Variants in HSD17B12 observed in about 807,000 individuals in gnomAD.
HSD17B12 encodes hydroxysteroid 17-beta dehydrogenase 12.
In HSD17B12, 32 loss-of-function variants were observed where a neutral mutation model predicts 39.3. That is an observed-to-expected ratio of 0.81 (90% confidence interval 0.61 to 1.09). HSD17B12 has a LOEUF of 1.09. Among genes scored for constraint, HSD17B12 ranks in the 50% least tolerant of loss-of-function variants. HSD17B12 has a pLI of 0.00. For missense variants in HSD17B12, 342 were observed against 382.9 expected (o/e 0.89, Z 0.89); for synonymous variants, 150 against 146.7 (o/e 1.02, Z -0.16).
chr11:43,815,553 G>A, intron 5 of HSD17B12, 52 bp downstream of exon 5: 1 of 1,116,902 alleles, frequency 9.0e-7, no homozygotes. Context: ...TGCAGGTATT[G>A]GTATAATGAT....
the HSD17B12 span, among the ~76,000 whole-genome samples, chr11:43,576,051 C>G: frequency 6.6e-6 from 1 of 151,930 alleles, no homozygotes; most frequent in Non-Finnish European, 1.5e-5. Context: ...AGGGGCTATG[C>G]CCCCCCACCC....
At chr11:43,632,344 A>C in the HSD17B12 span, among the ~76,000 whole-genome samples, 1 of 152,198 alleles carries the variant, frequency 6.6e-6, no homozygotes, top group Non-Finnish European at 1.5e-5. Context: ...TTTTTAAATG[A>C]GTAAGGGAAG....
At chr11:43,690,689 T>C (rs1454270465) in intron 1 of HSD17B12, among the ~76,000 whole-genome samples, 1 of 151,984 alleles carries the variant, frequency 6.6e-6, no homozygotes, top group East Asian at 1.9e-4. Flanking sequence ...TAGAGTAACC[T>C]CAGGACGAAG....
the HSD17B12 span, among the ~76,000 whole-genome samples, chr11:43,665,849 A>G: frequency 0.03 from 4,498 of 152,334 alleles, 90 homozygotes; most frequent in Admixed American, 0.038. Context: ...ATTGAGAGAA[A>G]CAGCAAAGAT....
the HSD17B12 span, among the ~76,000 whole-genome samples, chr11:43,557,788 G>A: frequency 4.4e-4 from 67 of 152,254 alleles, no homozygotes; most frequent in Admixed American, 3.9e-3. Context: ...AGGAGGGAAC[G>A]GCTGGAGCTC....
chr11:43,645,617 A>G, the HSD17B12 span: 2 of 152,236 alleles, frequency 1.3e-5, no homozygotes, highest in Non-Finnish European at 2.9e-5. Flanking sequence ...ATATATCATT[A>G]AAAAGCCCTT....
intron 6 of HSD17B12, among the ~76,000 whole-genome samples, chr11:43,826,436 G>A (rs980312704): frequency 1.8e-4 from 27 of 152,026 alleles, no homozygotes; most frequent in African/African-American, 6.0e-4. Flanking sequence ...TTATGGCTTT[G>A]GAATCATTAT....
intron 6 of HSD17B12, among the ~76,000 whole-genome samples, chr11:43,825,741 G>A (rs544421363): frequency 2.6e-5 from 4 of 152,282 alleles, no homozygotes; most frequent in Non-Finnish European, 5.9e-5. Flanking sequence ...TCATAGTAAT[G>A]GCCTGCTTCA....
intron 9 of HSD17B12, among the ~76,000 whole-genome samples, chr11:43,846,134 A>G (rs1951472969): frequency 6.6e-6 from 1 of 152,222 alleles, no homozygotes; most frequent in African/African-American, 2.4e-5. Flanking sequence ...TGATCATCTG[A>G]CCTACAGAAA....
intron 3 of HSD17B12, among the ~76,000 whole-genome samples, chr11:43,796,190 GC>G (rs1320809539): frequency 7.2e-5 from 11 of 152,166 alleles, no homozygotes; most frequent in African/African-American, 2.4e-4. Flanking sequence ...CAGCCTTTTG[GC>G]TCTTACTCTG....
At chr11:43,723,311 T>G (rs983287284) in intron 1 of HSD17B12, among the ~76,000 whole-genome samples, 1 of 152,230 alleles carries the variant, frequency 6.6e-6, no homozygotes, top group Non-Finnish European at 1.5e-5. Flanking sequence ...ATAGTAGCTT[T>G]TATTGTAAAT....
At chr11:43,590,109 AAGG>A in the HSD17B12 span, among the ~76,000 whole-genome samples, 1 of 152,110 alleles carries the variant, frequency 6.6e-6, no homozygotes, top group Admixed American at 6.5e-5. Context: ...TTGAATAAGG[AAGG>A]AGAAAAGTGA....
intron 1 of HSD17B12, among the ~76,000 whole-genome samples, chr11:43,727,233 G>A (rs1034027620): frequency 1.6e-4 from 24 of 152,144 alleles, no homozygotes; most frequent in Admixed American, 4.6e-4. Flanking sequence ...AGCCCTTGTC[G>A]GAAGAAATGG....
chr11:43,800,253 G>C (rs1590311054), intron 4 of HSD17B12, among the ~76,000 whole-genome samples: 1 of 152,202 alleles, frequency 6.6e-6, no homozygotes, highest in African/African-American at 2.4e-5. Context: ...GATGGACTAG[G>C]GGATAAAGGC....
intron 1 of HSD17B12, among the ~76,000 whole-genome samples, chr11:43,685,364 A>G (rs1427044024): frequency 6.6e-6 from 1 of 152,218 alleles, no homozygotes; most frequent in East Asian, 1.9e-4. Context: ...GTTAACCTCA[A>G]ATGACTGAAG....
chr11:43,757,639 C>CA (rs60598991), intron 3 of HSD17B12, among the ~76,000 whole-genome samples: 2,461 of 7,020 alleles, frequency 0.35, 1,040 homozygotes, highest in Admixed American at 0.4. Context: ...GACTCCGTCT[C>CA]AAAAAAAAAA....
the HSD17B12 span, among the ~76,000 whole-genome samples, chr11:43,624,766 CA>C: frequency 2.0e-5 from 3 of 151,572 alleles, no homozygotes; most frequent in Admixed American, 2.0e-4. Flanking sequence ...AACTGGGCAG[CA>C]AATTTCAAGG....
At chr11:43,669,957 G>T in the HSD17B12 span, among the ~76,000 whole-genome samples, 1 of 152,206 alleles carries the variant, frequency 6.6e-6, no homozygotes, top group South Asian at 2.1e-4. Flanking sequence ...AGATTTGCTT[G>T]CAGGGGATTT....
the HSD17B12 span, among the ~76,000 whole-genome samples, chr11:43,573,514 T>C: frequency 6.6e-6 from 1 of 152,184 alleles, no homozygotes; most frequent in Non-Finnish European, 1.5e-5. Context: ...ACCAGCATAA[T>C]TTTGGCTGCT....
Sources: gnomAD v4.1 joint callset for allele counts (sites outside exome capture counted in the v4.1 genomes callset) on GRCh38, gnomAD v4.1.1 for gene constraint, MANE v1.5 for transcripts, NCBI Gene and HGNC (gene_info 2026-07-23, HGNC 2026-07-21) for gene names.